Variants in CARF observed in about 807,000 individuals in gnomAD.
The protein encoded by CARF is calcium-responsive transcription factor.
A neutral mutation model predicts 82.0 loss-of-function variants in CARF; 57 were observed. That is an observed-to-expected ratio of 0.70 (90% CI 0.56 to 0.87). The LOEUF (loss-of-function observed/expected upper bound fraction) is 0.87, where lower values mean the gene tolerates loss of function less well. Among genes scored for constraint, CARF ranks in the 40% least tolerant of loss-of-function variants. The pLI is 0.00. For synonymous variants in CARF, 268 were observed against 290.1 expected, an observed-to-expected ratio of 0.92 and a Z score of 0.77; for missense variants, 771 against 855.8, an observed-to-expected ratio of 0.90 and a Z score of 1.24.
intron 5 of CARF, among the ~76,000 whole-genome samples, chr2:202,947,277 C>T (rs986384301): frequency 6.6e-6 from 1 of 152,234 alleles, no homozygotes; most frequent in Non-Finnish European, 1.5e-5. Flanking sequence ...ACATATATAC[C>T]ATGGAACACT....
At chr2:202,954,931 G>A (rs954232514) in intron 7 of CARF, among the ~76,000 whole-genome samples, 3 of 148,656 alleles carry the variant, frequency 2.0e-5, no homozygotes, top group African/African-American at 7.5e-5. Context: ...GGAGAATGGC[G>A]TGAACCTGGG....
At chr2:202,925,359 C>A in intron 3 of CARF, 1 of 318,092 alleles carries the variant, frequency 3.1e-6, no homozygotes, top group South Asian at 3.1e-5. Flanking sequence ...AGTTCTTGGT[C>A]ACATCCCTGG....
intron 5 of CARF, among the ~76,000 whole-genome samples, chr2:202,943,587 T>TATACACAC (rs2058338307): frequency 8.7e-6 from 1 of 115,160 alleles, no homozygotes; most frequent in South Asian, 3.8e-4. Context: ...TAATGGAATG[T>TATACACAC]ACACACACAC....
chr2:202,951,403 C>T (rs1034138824), intron 5 of CARF, among the ~76,000 whole-genome samples: 2 of 152,000 alleles, frequency 1.3e-5, no homozygotes, highest in African/African-American at 4.8e-5. Context: ...TTTTACCTAG[C>T]AAAAGAGGAG....
At chr2:202,933,239 G>A (rs1693285559) in intron 3 of CARF, among the ~76,000 whole-genome samples, 1 of 152,152 alleles carries the variant, frequency 6.6e-6, no homozygotes, top group Non-Finnish European at 1.5e-5. Flanking sequence ...GGGCCACTGG[G>A]CTAGTGTGAT....
At chr2:202,969,828 T>G in intron 10 of CARF, 91 bp from the exon 11 acceptor site, 2 of 827,318 alleles carry the variant, frequency 2.4e-6, no homozygotes, top group Non-Finnish European at 3.5e-6. Context: ...TTCTCTAAGC[T>G]TAAATGCTTA....
In CARF at chr2:202,986,911, A is replaced by ATATATATATATATAT; in HGVS notation, c.*3287_*3288insTATATATATATATAT. On this transcript the variant is annotated 3_prime_UTR_variant, in exon 17 of 17. Transcript: ENST00000438828. ...ATATATATATATATATATATATAGC[A>ATATATATATATATAT]ACTTGATGTATAGTGTCCTTGTTAC... The ATATATATATATATAT allele has an allele frequency of 4.6e-5, 2 of 43,536 alleles. No homozygotes were observed. The highest frequency in any genetic ancestry group is 1.1e-3 in the South Asian group (1 of 912). The allele number at this position is 43,536 out of a possible 1,614,324, so 2.7% of individuals were successfully genotyped here.
At chr2:202,951,722 GT>G (rs1333040374) in intron 5 of CARF, among the ~76,000 whole-genome samples, 2 of 151,856 alleles carry the variant, frequency 1.3e-5, no homozygotes, top group African/African-American at 4.8e-5. Flanking sequence ...TTTTCCCTGT[GT>G]TTTCAGACTT....
Position 202,967,058 on chromosome 2 carries a change from A to G in CARF, c.913A>G (p.Ser305Gly). 1 of 1,614,140 alleles carries G rather than the reference A, an allele frequency of 6.2e-7. No individual in the cohort carries two copies. The change falls in exon 10 of 17, where the codon AGC (serine) becomes GGC (glycine). Residue 305 changes from serine to glycine, a missense_variant. Transcript: ENST00000438828. ...GTTAAAAAAAGTCAGTGAGCAGGAA[A>G]GCAGGTCTTGTCAGCTCTACAAAGC... ...FQLKKVSEQE[S>G]RSCQLYKATC...
chr2:202,914,337 C>G (rs1689194884), intron 1 of CARF, among the ~76,000 whole-genome samples: 2 of 152,036 alleles, frequency 1.3e-5, no homozygotes, highest in African/African-American at 4.8e-5. Flanking sequence ...GCTTTGGAGT[C>G]TTAATTGTTC....
In CARF at chr2:202,987,061, C is replaced by T. The variant is rs1251650647; in HGVS notation, c.*3437C>T. 5 of 149,962 alleles carry T rather than the reference C, an allele frequency of 3.3e-5. No individual in the cohort carries two copies. The highest frequency in any genetic ancestry group is 2.1e-4 in the South Asian group (1 of 4,742). The allele number at this position is 149,962 out of a possible 1,614,324, so 9.3% of individuals were successfully genotyped here. Reference sequence around the variant, plus strand: ...GATGCTGAATAAACACTTGAATACCCGAGAATTTTGGCCAGAGATTTATGT... The same window carrying T: ...GATGCTGAATAAACACTTGAATACCTGAGAATTTTGGCCAGAGATTTATGT... On this transcript the variant is annotated 3_prime_UTR_variant, in exon 17 of 17. Coordinates refer to ENST00000438828, the MANE Select transcript of CARF (RefSeq NM_024744.17).
At chr2:202,941,193 A>C (rs896933869) in intron 3 of CARF, among the ~76,000 whole-genome samples, 1 of 152,150 alleles carries the variant, frequency 6.6e-6, no homozygotes, top group African/African-American at 2.4e-5. Context: ...GTGATAATTT[A>C]AAATCTTAAA....
intron 7 of CARF, among the ~76,000 whole-genome samples, chr2:202,954,950 C>T (rs1289624043): frequency 6.9e-6 from 1 of 144,972 alleles, no homozygotes; most frequent in Non-Finnish European, 1.5e-5. Context: ...GGAGGCAGGG[C>T]TTGCAGTGAG....
chr2:202,926,053 C>T, intron 3 of CARF: 1 of 161,290 alleles, frequency 6.2e-6, no homozygotes, highest in Middle Eastern at 3.1e-3. Context: ...GGATCGAGAT[C>T]CACAATGGGA....
intron 5 of CARF, among the ~76,000 whole-genome samples, chr2:202,949,266 A>AGAGGTTGTGGTGAGCC (rs1214543590): frequency 3.3e-5 from 5 of 151,396 alleles, no homozygotes; most frequent in Non-Finnish European, 7.4e-5. Flanking sequence ...CCCAGGAGGC[A>AGAGGTTGTGGTGAGCC]GAGGTTGTGG....
intron 3 of CARF, among the ~76,000 whole-genome samples, chr2:202,933,454 G>T (rs1210153571): frequency 2.6e-5 from 4 of 152,158 alleles, no homozygotes; most frequent in African/African-American, 9.7e-5. Flanking sequence ...TGGGCTTGGT[G>T]CCTGTGAAGA....
In CARF at chr2:202,986,193, AATTC is replaced by A. The variant is rs985973892; in HGVS notation, c.*2573_*2576del. 2 of 152,166 alleles carry A rather than the reference AATTC, an allele frequency of 1.3e-5. No homozygotes were observed. Among genetic ancestry groups the A allele is most frequent in the Non-Finnish European group, 2.9e-5 (2 of 67,986 alleles). The allele number at this position is 152,166 out of a possible 1,614,324, so 9.4% of individuals were successfully genotyped here. A position where few individuals can be genotyped will look rare whatever the true frequency, so the allele number is the denominator to read the frequency against. On this transcript the variant is annotated 3_prime_UTR_variant, in exon 17 of 17. Coordinates refer to ENST00000438828, the MANE Select transcript of CARF (RefSeq NM_024744.17). ...AATGGTTTCTAAATTAGATTTTAAA[AATTC>A]ATTGTCATCTAAATGCATGTTTAGT...
At chr2:202,946,485 T>C (rs1015862132) in intron 5 of CARF, among the ~76,000 whole-genome samples, 1 of 152,178 alleles carries the variant, frequency 6.6e-6, no homozygotes, top group African/African-American at 2.4e-5. Flanking sequence ...TTACACCTTA[T>C]ACAAAAAATT....
chr2:202,954,855 A>G (rs1352576078), intron 7 of CARF, among the ~76,000 whole-genome samples: 8 of 148,756 alleles, frequency 5.4e-5, no homozygotes. Flanking sequence ...TAAAAATACA[A>G]AAAAAAAAAT....
Sources: allele counts gnomAD v4.1 joint callset (sites outside exome capture counted in the v4.1 genomes callset), GRCh38; gene constraint gnomAD v4.1.1; transcripts MANE v1.5; gene names NCBI Gene and HGNC (gene_info 2026-07-23, HGNC 2026-07-21).